The following PDE4D variants were observed in gnomAD, a reference collection of about 807,000 sequenced individuals.
PDE4D encodes phosphodiesterase 4D.
In PDE4D, 24 loss-of-function variants were observed where a neutral mutation model predicts 87.4. That is an observed-to-expected ratio of 0.27 (90% CI 0.20 to 0.39). The LOEUF (loss-of-function observed/expected upper bound fraction) is 0.39, where lower values mean the gene tolerates loss of function less well. Ranked by LOEUF, PDE4D falls within the 10% of genes least tolerant of loss-of-function variation. PDE4D has a pLI of 1.00. For synonymous variants in PDE4D, 384 were observed against 383.2 expected (o/e 1.00, Z -0.02); for missense variants, 714 against 1,041.0 (o/e 0.69, Z 4.32).
intron 1 of PDE4D, among the ~76,000 whole-genome samples, chr5:59,499,165 G>T (rs895115665): frequency 6.6e-6 from 1 of 151,884 alleles, no homozygotes; most frequent in African/African-American, 2.4e-5. Flanking sequence ...GTTTCTGAAT[G>T]ACTCTAAAAT....
chr5:59,438,420 T>C (rs1797102859), intron 1 of PDE4D, among the ~76,000 whole-genome samples: 1 of 152,196 alleles, frequency 6.6e-6, no homozygotes, highest in South Asian at 2.1e-4. Flanking sequence ...TCTATATATA[T>C]TGCTACAGTG....
chr5:59,558,259 A>G (rs1173085113), intron 1 of PDE4D, among the ~76,000 whole-genome samples: 1 of 152,202 alleles, frequency 6.6e-6, no homozygotes, highest in Admixed American at 6.6e-5. Context: ...ATTAGAAGGT[A>G]TATCAGAAAA....
At chr5:59,579,991 AAGGAAG>A (rs2153699511) in intron 1 of PDE4D, among the ~76,000 whole-genome samples, 1 of 152,338 alleles carries the variant, frequency 6.6e-6, no homozygotes, top group East Asian at 1.9e-4. Context: ...CTAACATTAA[AAGGAAG>A]AGTTTCTCAA....
chr5:59,080,948 G>A (rs1766624453), intron 5 of PDE4D, among the ~76,000 whole-genome samples: 1 of 152,124 alleles, frequency 6.6e-6, no homozygotes, highest in Non-Finnish European at 1.5e-5. Context: ...CATTGTGGAG[G>A]AGAATTTTAA....
At chr5:59,350,643 T>A (rs1780379058) in intron 1 of PDE4D, among the ~76,000 whole-genome samples, 1 of 152,002 alleles carries the variant, frequency 6.6e-6, no homozygotes, top group African/African-American at 2.4e-5. Context: ...CATACAAAGG[T>A]GGAAAAAAGG....
intron 2 of PDE4D, among the ~76,000 whole-genome samples, chr5:59,207,859 T>C (rs71626142): frequency 0.083 from 12,579 of 152,040 alleles, 716 homozygotes; most frequent in Admixed American, 0.17. Flanking sequence ...TTTTAGAGTT[T>C]TTTTTTTCAC....
At chr5:59,080,940 T>C (rs1400026886) in intron 5 of PDE4D, among the ~76,000 whole-genome samples, 1 of 152,184 alleles carries the variant, frequency 6.6e-6, no homozygotes, top group Non-Finnish European at 1.5e-5. Flanking sequence ...TTATCAGCCA[T>C]TGTGGAGGAG....
intron 1 of PDE4D, among the ~76,000 whole-genome samples, chr5:59,626,194 C>A (rs969535096): frequency 6.6e-6 from 1 of 152,248 alleles, no homozygotes; most frequent in South Asian, 2.1e-4. Flanking sequence ...TAACAGTTGG[C>A]CTCTGAAGTA....
intron 2 of PDE4D, among the ~76,000 whole-genome samples, chr5:60,057,203 A>T (rs1419601568): frequency 6.6e-6 from 1 of 152,058 alleles, no homozygotes; most frequent in African/African-American, 2.4e-5. Context: ...AACTACATCA[A>T]TCAGGATTAT....
chr5:59,944,733 C>T (rs2152800751), intron 3 of PDE4D, among the ~76,000 whole-genome samples: 1 of 152,302 alleles, frequency 6.6e-6, no homozygotes, highest in Middle Eastern at 3.4e-3. Context: ...ATGAAGGTAT[C>T]CTTCAGCACT....
chr5:59,253,888 C>A (rs1760461492), intron 1 of PDE4D, among the ~76,000 whole-genome samples: 1 of 152,042 alleles, frequency 6.6e-6, no homozygotes, highest in African/African-American at 2.4e-5. Context: ...TTAATGAATA[C>A]ATGAGTGAAT....
chr5:59,747,965 GC>G (rs1233567872), intron 1 of PDE4D, among the ~76,000 whole-genome samples: 4 of 152,002 alleles, frequency 2.6e-5, no homozygotes, highest in Non-Finnish European at 4.4e-5. Context: ...CACACCCTTT[GC>G]CCATATCTCA....
intron 1 of PDE4D, among the ~76,000 whole-genome samples, chr5:59,235,979 A>G (rs749951809): frequency 7.9e-5 from 12 of 152,336 alleles, no homozygotes; most frequent in Non-Finnish European, 1.8e-4. Flanking sequence ...AGAATATTTC[A>G]GAAAAATATG....
intron 1 of PDE4D, among the ~76,000 whole-genome samples, chr5:59,352,075 T>A (rs1780614516): frequency 6.6e-6 from 1 of 152,136 alleles, no homozygotes; most frequent in South Asian, 2.1e-4. Flanking sequence ...ATAAAGGTAA[T>A]GCTAGATCCA....
intron 1 of PDE4D, among the ~76,000 whole-genome samples, chr5:59,251,503 T>C (rs1759929975): frequency 1.3e-5 from 2 of 152,082 alleles, no homozygotes; most frequent in South Asian, 2.1e-4. Context: ...TCATAATGGC[T>C]ATTATTAAAA....
chr5:60,102,259 GT>G (rs1379396569), intron 2 of PDE4D, among the ~76,000 whole-genome samples: 1 of 151,606 alleles, frequency 6.6e-6, no homozygotes, highest in Non-Finnish European at 1.5e-5. Flanking sequence ...CTTTTTTTTA[GT>G]TTTTTTAATT....
intron 2 of PDE4D, among the ~76,000 whole-genome samples, chr5:59,989,706 T>G (rs1413587804): frequency 6.6e-6 from 1 of 152,142 alleles, no homozygotes; most frequent in Non-Finnish European, 1.5e-5. Flanking sequence ...TTGATTCTAG[T>G]TGAGAAAAAT....
intron 6 of PDE4D, among the ~76,000 whole-genome samples, chr5:59,017,513 A>G (rs1009323454): frequency 6.6e-6 from 1 of 152,156 alleles, no homozygotes; most frequent in Admixed American, 6.5e-5. Context: ...TGGATTTCTT[A>G]CTCTTCAAAG....
At chr5:60,519,577 A>G (rs763036181) in intron 1 of PDE4D, among the ~76,000 whole-genome samples, 4 of 152,144 alleles carry the variant, frequency 2.6e-5, no homozygotes, top group Admixed American at 1.3e-4. Context: ...CATAGTGTAC[A>G]TGACTGATCT....
Sources: gnomAD v4.1 joint callset for allele counts (sites outside exome capture counted in the v4.1 genomes callset) on GRCh38, gnomAD v4.1.1 for gene constraint, MANE v1.5 for transcripts, NCBI Gene and HGNC (gene_info 2026-07-23, HGNC 2026-07-21) for gene names.